The following CSGALNACT1 variants were observed in gnomAD, a reference collection of about 807,000 sequenced individuals.
CSGALNACT1 encodes beta4GalNAcT-1.
Under a neutral mutation model 51.0 loss-of-function variants are expected in CSGALNACT1, and 52 were observed. That is an observed-to-expected ratio of 1.02 (90% CI 0.82 to 1.29). The LOEUF is 1.29. Ranked by LOEUF, CSGALNACT1 falls within the 50% of genes most tolerant of loss-of-function variation. CSGALNACT1 has a pLI of 0.00. For synonymous variants in CSGALNACT1, 341 were observed against 254.4 expected, an observed-to-expected ratio of 1.34 and a Z score of -3.24; for missense variants, 935 against 679.2, an observed-to-expected ratio of 1.38 and a Z score of -4.19.
chr8:19,490,233 A>G (rs556503062), intron 4 of CSGALNACT1, among the ~76,000 whole-genome samples: 1 of 152,330 alleles, frequency 6.6e-6, no homozygotes, highest in East Asian at 1.9e-4. Flanking sequence ...ACCAAGCTAC[A>G]GATGGAAGGC....
intron 7 of CSGALNACT1, among the ~76,000 whole-genome samples, chr8:19,419,170 G>T (rs6990357): frequency 6.6e-6 from 1 of 151,956 alleles, no homozygotes; most frequent in African/African-American, 2.4e-5. Flanking sequence ...CTTTTCCCTT[G>T]ACTCAACTCT....
intron 1 of CSGALNACT1, among the ~76,000 whole-genome samples, chr8:19,612,146 C>G (rs1182379574): frequency 6.6e-6 from 1 of 152,070 alleles, no homozygotes; most frequent in African/African-American, 2.4e-5. Context: ...AGCTCGAGAC[C>G]TGCCTAGGCA....
At chr8:19,515,968 G>C (rs1016630634) in intron 3 of CSGALNACT1, among the ~76,000 whole-genome samples, 4 of 152,130 alleles carry the variant, frequency 2.6e-5, no homozygotes, top group Admixed American at 1.3e-4. Flanking sequence ...GCTTCTTCCA[G>C]CTGTAAGACA....
intron 1 of CSGALNACT1, among the ~76,000 whole-genome samples, chr8:19,636,156 A>C (rs1370701745): frequency 6.6e-6 from 1 of 152,226 alleles, no homozygotes; most frequent in Non-Finnish European, 1.5e-5. Flanking sequence ...CATGGTCAGT[A>C]AACAGGCGAG....
At chr8:19,534,994 G>C (rs1188052734) in intron 3 of CSGALNACT1, among the ~76,000 whole-genome samples, 2 of 152,152 alleles carry the variant, frequency 1.3e-5, no homozygotes, top group South Asian at 2.1e-4. Context: ...ACCACCAAAA[G>C]ATGTTGCCAG....
chr8:19,689,044 G>T (rs2061139607), intron 1 of CSGALNACT1: 1 of 152,194 alleles, frequency 6.6e-6, no homozygotes, highest in Non-Finnish European at 1.5e-5. Context: ...GTTAATGAGA[G>T]GCTTCTAATG....
At chr8:19,490,383 G>C (rs2074095069) in intron 4 of CSGALNACT1, among the ~76,000 whole-genome samples, 1 of 152,132 alleles carries the variant, frequency 6.6e-6, no homozygotes, top group South Asian at 2.1e-4. Context: ...CTTTCATCAA[G>C]GGAAGGAAGA....
chr8:19,426,162 G>A (rs1417841638), intron 6 of CSGALNACT1, among the ~76,000 whole-genome samples: 2 of 152,206 alleles, frequency 1.3e-5, no homozygotes, highest in South Asian at 2.1e-4. Context: ...ATCAAGAGCT[G>A]AACAAATGGA....
chr8:19,499,824 C>G (rs1751555561), intron 4 of CSGALNACT1, among the ~76,000 whole-genome samples: 1 of 152,204 alleles, frequency 6.6e-6, no homozygotes, highest in Non-Finnish European at 1.5e-5. Context: ...TTCTGAGACA[C>G]ATGAACATTA....
rs181718154 is a variant in CSGALNACT1 at position 19,559,436 on chromosome 8, C to T, written c.-297+31724G>A. On this transcript the variant is annotated intron_variant, in intron 3 of 9. Transcript: ENST00000454498. ...AAGCAAGACAAAGATGCCTACCATC[C>T]GCACTTCTATTCAACATTCAACATC... Among the ~76,000 whole-genome samples, 5 of 152,200 alleles carry T rather than the reference C, an allele frequency of 3.3e-5. No homozygotes were observed. In the East Asian group the frequency reaches 7.7e-4, roughly 24 times the overall value.
intron 1 of CSGALNACT1, among the ~76,000 whole-genome samples, chr8:19,726,414 TG>T (rs1564476156): frequency 6.6e-6 from 1 of 152,246 alleles, no homozygotes; most frequent in Admixed American, 6.5e-5. Flanking sequence ...TTCATTTTTA[TG>T]TTTTTGTTTT....
intron 3 of CSGALNACT1, among the ~76,000 whole-genome samples, chr8:19,532,702 G>A (rs1468959990): frequency 1.3e-5 from 2 of 152,110 alleles, no homozygotes; most frequent in Non-Finnish European, 2.9e-5. Context: ...ATGGCAGAAG[G>A]TGCCTGAAGA....
At chr8:19,417,282 C>T (rs4921638) in intron 8 of CSGALNACT1, among the ~76,000 whole-genome samples, 3 of 151,930 alleles carry the variant, frequency 2.0e-5, no homozygotes, top group Admixed American at 1.3e-4. Flanking sequence ...GAAAAGAGAA[C>T]TGTATTATTA....
At chr8:19,604,117 C>T (rs1334274460), upstream of CSGALNACT1, among the ~76,000 whole-genome samples, 1 of 152,122 alleles carries the variant, frequency 6.6e-6, no homozygotes, top group Non-Finnish European at 1.5e-5. Flanking sequence ...GCATCATATT[C>T]CTCCAGAGAA....
intron 1 of CSGALNACT1, among the ~76,000 whole-genome samples, chr8:19,653,550 T>G (rs777659728): frequency 2.0e-5 from 3 of 152,146 alleles, no homozygotes; most frequent in Admixed American, 6.5e-5. Context: ...TCCCAGCACT[T>G]TGGGAGGCCA....
intron 1 of CSGALNACT1, among the ~76,000 whole-genome samples, chr8:19,694,784 G>T (rs924458052): frequency 6.6e-6 from 1 of 152,158 alleles, no homozygotes; most frequent in South Asian, 2.1e-4. Context: ...GCTACCTGAA[G>T]GTAAAGCACA....
intron 6 of CSGALNACT1, among the ~76,000 whole-genome samples, chr8:19,424,395 A>G (rs916046532): frequency 1.7e-4 from 26 of 152,130 alleles, no homozygotes; most frequent in African/African-American, 6.3e-4. Flanking sequence ...CCAATAAACC[A>G]GTGATCTGAA....
Position 19,744,780 on chromosome 8 carries a change from C to G in CSGALNACT1, c.-297+13070G>C, listed in dbSNP as rs369696989. On this transcript the variant is annotated intron_variant, in intron 1 of 1. Transcript: ENST00000517494. ...TATTCACGAACACAGTTTTTACTCA[C>G]CATGTTGACTATTAAATTGCTACAT... Among the ~76,000 whole-genome samples, 25 of 152,324 alleles carry G rather than the reference C, an allele frequency of 1.6e-4. 2 individuals carry two copies. Among genetic ancestry groups the G allele is most frequent in the Admixed American group, 1.4e-3 (21 of 15,294 alleles).
chr8:19,514,762 G>A lies in CSGALNACT1; in HGVS notation c.-296-8632C>T, dbSNP rs1440476465. Reference sequence around the variant, plus strand: ...GAAGGAAAATCACTTGAACCTGGGAGGTGGAGGTTGCAGTGAGCTGAGATC... The same window carrying A: ...GAAGGAAAATCACTTGAACCTGGGAAGTGGAGGTTGCAGTGAGCTGAGATC... On this transcript the variant is annotated intron_variant, in intron 3 of 9. Transcript: ENST00000454498. Among the ~76,000 whole-genome samples the A allele has an allele frequency of 5.3e-5, 8 of 151,540 alleles. No homozygotes were observed. In the Middle Eastern group the frequency reaches 0.014, roughly 258 times the overall value.
Sources: gnomAD v4.1 joint callset for allele counts (sites outside exome capture counted in the v4.1 genomes callset) on GRCh38, gnomAD v4.1.1 for gene constraint, MANE v1.5 for transcripts, NCBI Gene and HGNC (gene_info 2026-07-23, HGNC 2026-07-21) for gene names.